XIST: variants seen among roughly 807,000 people sequenced by gnomAD.
The protein encoded by XIST is X inactive specific transcript (non-protein coding).
chrX:73,822,817 A>G lies in XIST; in HGVS notation n.17084T>C, dbSNP rs747554758. The G allele has an allele frequency of 1.1e-4, 61 of 557,172 alleles. 1 individual carries two copies. The highest frequency in any genetic ancestry group is 9.1e-4 in the African/African-American group (41 of 44,952). The allele number at this position is 557,172 out of a possible 1,213,427, so 45.9% of individuals were successfully genotyped here. ...AAAAGCCCTCTCTTATTCCCACTCT[A>G]CAACGCATGTCAAAGGTGATCTGTT... On this transcript the variant is annotated non_coding_transcript_exon_variant, in exon 6 of 6. Transcript: ENST00000429829.
chrX:73,851,060 A>G lies in XIST; in HGVS notation n.1664T>C, dbSNP rs764554423. ...CCAGGTCTTCGCTGAGTAGCTGGAC[A>G]GTGTGTCATCAGTCTAATTCCATCT... On this transcript the variant is annotated non_coding_transcript_exon_variant, in exon 1 of 6. Coordinates refer to ENST00000429829, the Ensembl canonical transcript of XIST. The G allele has an allele frequency of 2.9e-4, 163 of 557,992 alleles. 1 individual carries two copies. The highest frequency in any genetic ancestry group is 1.5e-3 in the Middle Eastern group (5 of 3,248). The allele number at this position is 557,992 out of a possible 1,213,427, so 46.0% of individuals were successfully genotyped here.
At chrX:73,833,313 T>A (rs749921455) in exon 3 of XIST, 1 of 558,569 alleles carries the variant, frequency 1.8e-6, no homozygotes, top group South Asian at 2.2e-5. Flanking sequence ...GGGAAAGATA[T>A]GATTAATTTG....
intron 3 of XIST, chrX:73,831,431 G>C: frequency 3.0e-6 from 1 of 331,121 alleles, no homozygotes; most frequent in Non-Finnish European, 5.2e-6. Flanking sequence ...TTATATTCTG[G>C]CTACCAACTT....
At chrX:73,851,019 T>C (rs751338199) in exon 1 of XIST, 6 of 558,040 alleles carry the variant, frequency 1.1e-5, no homozygotes, top group Non-Finnish European at 1.6e-5. Context: ...AGCTGCGAAG[T>C]GCCATGCTAA....
chrX:73,823,771 C>T (rs1171347332), exon 6 of XIST: 2 of 556,442 alleles, frequency 3.6e-6, no homozygotes, highest in Admixed American at 4.5e-5. Flanking sequence ...TTATATTAGT[C>T]CATTTGTCCC....
At position 73,839,316 on chromosome X, in the gene XIST, A is replaced by T. The variant is rs58762853; in HGVS notation, n.11343-1813T>A. Among the ~76,000 whole-genome samples the T allele has an allele frequency of 2.0e-4, 22 of 111,458 alleles. No homozygotes were observed. The Middle Eastern group carries it at 0.014, about 70-fold the overall frequency. On this transcript the variant is annotated intron_variant and non_coding_transcript_variant, in intron 1 of 5. Coordinates refer to ENST00000429829, the Ensembl canonical transcript of XIST. ...AAACTTCCTCCAATCCTACATGTTA[A>T]GGTTTTATAAAGGGAAAAGTCAGAA...
chrX:73,822,979 G>A lies in XIST; in HGVS notation n.16922C>T, dbSNP rs1436131136. On this transcript the variant is annotated non_coding_transcript_exon_variant, in exon 6 of 6. Transcript: ENST00000429829. ...TGAGATAAAGTGCACTTTGGTTTAC[G>A]TCTTTCAAGCACTTAAGAACAGCAC... The A allele has an allele frequency of 1.4e-5, 8 of 556,877 alleles. 1 individual carries two copies. The highest frequency in any genetic ancestry group is 6.7e-5 in the African/African-American group (3 of 44,817). 45.9% of individuals were successfully genotyped at this position (556,877 alleles called of 1,213,427 possible). A position where few individuals can be genotyped will look rare whatever the true frequency, so the allele number is the denominator to read the frequency against.
intron 2 of XIST, chrX:73,833,555 G>T: frequency 3.2e-6 from 1 of 308,480 alleles, no homozygotes; most frequent in Non-Finnish European, 5.7e-6. Flanking sequence ...ACAAGCCCTG[G>T]CAGTACACGG....
At chrX:73,845,473 G>C (rs759733919) in exon 1 of XIST, 2 of 555,660 alleles carry the variant, frequency 3.6e-6, no homozygotes, top group Admixed American at 4.5e-5. Context: ...AAGGGTATAT[G>C]GAGTGGACAC....
chrX:73,851,046 C>T lies in XIST; in HGVS notation n.1678G>A, dbSNP rs756199799. 6 of 558,063 alleles carry T rather than the reference C, an allele frequency of 1.1e-5. No individual in the cohort carries two copies. The African/African-American group carries it at 1.3e-4, about 12-fold the overall frequency. 46.0% of individuals were successfully genotyped at this position (558,063 alleles called of 1,213,427 possible). A position where few individuals can be genotyped will look rare whatever the true frequency, so the allele number is the denominator to read the frequency against. On this transcript the variant is annotated non_coding_transcript_exon_variant, in exon 1 of 6. Coordinates refer to ENST00000429829, the Ensembl canonical transcript of XIST. ...CCATGCTAATTCACCCAGGTCTTCGCTGAGTAGCTGGACAGTGTGTCATCA... is the reference window on the plus strand; with the variant it reads ...CCATGCTAATTCACCCAGGTCTTCGTTGAGTAGCTGGACAGTGTGTCATCA...
chrX:73,824,737 T>A (rs761505159), exon 6 of XIST: 2 of 558,942 alleles, frequency 3.6e-6, no homozygotes, highest in Non-Finnish European at 6.5e-6. Flanking sequence ...GGTCTGGATC[T>A]CACATCTATT....
chrX:73,837,489 A>AT (rs1287757821), exon 2 of XIST: 6 of 508,456 alleles, frequency 1.2e-5, no homozygotes, highest in Admixed American at 2.7e-5. Context: ...GCAGCGTGGT[A>AT]TCTTCAATGG....
chrX:73,829,507 A>C, intron 4 of XIST: 1 of 196,363 alleles, frequency 5.1e-6, no homozygotes, highest in Non-Finnish European at 9.4e-6. Context: ...AAAGACCAGA[A>C]CTGCCGGGCG....
chrX:73,836,782 T>C (rs1283644475), intron 2 of XIST, among the ~76,000 whole-genome samples: 1 of 111,058 alleles, frequency 9.0e-6, no homozygotes, highest in African/African-American at 3.3e-5. Context: ...GCAGGAGATA[T>C]GCAAATGAGT....
chrX:73,837,317 A>G (rs945003855), intron 2 of XIST: 58 of 383,475 alleles, frequency 1.5e-4, no homozygotes, highest in Non-Finnish European at 2.4e-4. Context: ...CATAAACCCA[A>G]TCTAGTCATG....
In XIST at chrX:73,823,014, T is replaced by C. The variant is rs752677744; in HGVS notation, n.16887A>G. ...CACTTAAGAACAGCACTTTATTCAG[T>C]TTTAATAAATTTTTACTAAATTGGT... On this transcript the variant is annotated non_coding_transcript_exon_variant, in exon 6 of 6. Transcript: ENST00000429829. The C allele has an allele frequency of 2.7e-5, 15 of 551,849 alleles. No homozygotes were observed. The South Asian group carries it at 3.3e-4, about 12-fold the overall frequency. 45.5% of individuals were successfully genotyped at this position (551,849 alleles called of 1,213,427 possible).
rs137967501 is a variant in XIST, at chrX:73,829,647, G to A, written n.11753-416C>T. Among the ~76,000 whole-genome samples the A allele has an allele frequency of 8.2e-3, 894 of 109,503 alleles. 17 individuals carry two copies. Among genetic ancestry groups the A allele is most frequent in the African/African-American group, 0.028 (850 of 30,001 alleles). Reference sequence around the variant, plus strand: ...CTCTATTAAAAATACAAAATTAGCCGGGCGTGGTGGTGCATGACTGTAATC... The same window carrying A: ...CTCTATTAAAAATACAAAATTAGCCAGGCGTGGTGGTGCATGACTGTAATC... On this transcript the variant is annotated intron_variant and non_coding_transcript_variant, in intron 4 of 5. Coordinates refer to ENST00000429829, the Ensembl canonical transcript of XIST.
exon 6 of XIST, chrX:73,825,511 G>A (rs762057513): frequency 3.9e-6 from 2 of 515,733 alleles, no homozygotes; most frequent in South Asian, 2.4e-5. Flanking sequence ...GACAGGCACA[G>A]AAAAGGAAAC....
At chrX:73,830,984 T>C (rs1057143613) in intron 4 of XIST, 4 of 491,926 alleles carry the variant, frequency 8.1e-6, no homozygotes, top group Non-Finnish European at 1.5e-5. Flanking sequence ...ACGACCTCAG[T>C]GAAACACTAA....
Sources: allele counts gnomAD v4.1 joint callset (sites outside exome capture counted in the v4.1 genomes callset), GRCh38; gene constraint gnomAD v4.1.1; transcripts MANE v1.5; gene names NCBI Gene and HGNC (gene_info 2026-07-23, HGNC 2026-07-21).